RNF216: variants seen among roughly 807,000 people sequenced by gnomAD.
RNF216 encodes the protein ring finger protein 216, also known as E3 ubiquitin-protein ligase RNF216.
Under a neutral mutation model 110.8 loss-of-function variants are expected in RNF216, and 72 were observed. The ratio of observed to expected loss-of-function variants is 0.65; its 90% CI spans 0.54 to 0.79. The LOEUF (loss-of-function observed/expected upper bound fraction) is 0.79, where lower values mean the gene tolerates loss of function less well. Among genes scored for constraint, RNF216 ranks in the 30% least tolerant of loss-of-function variants. RNF216 has a pLI of 0.00. For missense variants in RNF216, 1,342 were observed against 1,141.2 expected (o/e 1.18, Z -2.54); for synonymous variants, 495 against 407.5 (o/e 1.21, Z -2.59).
chr7:5,729,720 T>C, intron 6 of RNF216, 124 bp from the exon 7 acceptor site: 1 of 834,710 alleles, frequency 1.2e-6, no homozygotes, highest in South Asian at 1.8e-5. Context: ...TATAAGGAAG[T>C]TACCAGCCCT....
chr7:5,653,961 G>A (rs1242094947), intron 13 of RNF216, among the ~76,000 whole-genome samples: 1 of 152,232 alleles, frequency 6.6e-6, no homozygotes, highest in Non-Finnish European at 1.5e-5. Context: ...AGGCCTTGAA[G>A]GGCATGATGA....
At chr7:5,698,025 T>C (rs1274957130) in intron 13 of RNF216, among the ~76,000 whole-genome samples, 3 of 152,168 alleles carry the variant, frequency 2.0e-5, no homozygotes, top group African/African-American at 2.4e-5. Context: ...CTTTTGAAAC[T>C]TCAAATGCTT....
At chr7:5,751,093 A>G (rs910947179) in intron 3 of RNF216, among the ~76,000 whole-genome samples, 1 of 152,214 alleles carries the variant, frequency 6.6e-6, no homozygotes, top group Middle Eastern at 3.2e-3. Flanking sequence ...TCCTAACGGC[A>G]GTCTCCTTGG....
chr7:5,766,758 A>G (rs1796230229), intron 1 of RNF216: 1 of 152,262 alleles, frequency 6.6e-6, no homozygotes, highest in Non-Finnish European at 1.5e-5. Context: ...CATATAGCAC[A>G]GAAAATAATG....
intron 1 of RNF216, among the ~76,000 whole-genome samples, chr7:5,771,718 G>A (rs1796503268): frequency 6.6e-6 from 1 of 152,128 alleles, no homozygotes; most frequent in African/African-American, 2.4e-5. Flanking sequence ...GATCTCTTGA[G>A]CTCGAGAGGT....
In RNF216 at chr7:5,647,334, T is replaced by C. The variant is rs1177642665; in HGVS notation, c.2159+5079A>G. ...ACCTTCATTTTCTTTCTTTCTTTTT[T>C]TTTTTTTTTTTTTTTTTGAGATAGG... On this transcript the variant is annotated intron_variant, in intron 14 of 16. Transcript: ENST00000389902. Among the ~76,000 whole-genome samples, 17 of 110,576 alleles carry C rather than the reference T, an allele frequency of 1.5e-4. 1 individual carries two copies. Among genetic ancestry groups the C allele is most frequent in the South Asian group, 1.5e-3 (6 of 4,084 alleles). 72.5% of individuals were successfully genotyped at this position (110,576 alleles called of 152,430 possible). A position where few individuals can be genotyped will look rare whatever the true frequency, so the allele number is the denominator to read the frequency against.
Position 5,723,503 on chromosome 7 carries a change from C to T in RNF216, c.1504+1821G>A, listed in dbSNP as rs146383694. On this transcript the variant is annotated intron_variant, in intron 8 of 16. Transcript: ENST00000389902. ...TCTACTAAAAACACAAAAAATTAGC[C>T]GGACTCGGTGGCGGGCACCTGTAGT... Among the ~76,000 whole-genome samples, 1,387 of 151,892 alleles carry T rather than the reference C, an allele frequency of 9.1e-3. 23 individuals are homozygous for T. The highest frequency in any genetic ancestry group is 0.032 in the African/African-American group (1,326 of 41,418).
chr7:5,676,098 G>A (rs1425311113), intron 13 of RNF216, among the ~76,000 whole-genome samples: 13 of 151,360 alleles, frequency 8.6e-5, no homozygotes, highest in Non-Finnish European at 1.8e-4. Context: ...TGTAACCTTC[G>A]TCTCCCAGGT....
At chr7:5,763,810 C>A (rs1796056546) in intron 1 of RNF216, among the ~76,000 whole-genome samples, 2 of 152,160 alleles carry the variant, frequency 1.3e-5, no homozygotes, top group Non-Finnish European at 2.9e-5. Flanking sequence ...CGGTCTCAAG[C>A]ATTCCTTCTG....
chr7:5,709,051 T>G (rs1792488850), intron 13 of RNF216, among the ~76,000 whole-genome samples: 1 of 152,126 alleles, frequency 6.6e-6, no homozygotes, highest in South Asian at 2.1e-4. Context: ...ACGAGAGTCT[T>G]GGGCAGACTC....
rs1271519061 is a variant in RNF216, at chr7:5,741,545, G to A, written c.472C>T (p.Pro158Ser). ...GCTGCTTGGTTATGACTCGGTCCAG[G>A]CTTGGGTTCTCTTTCTGTTTGGCCA... ...PSGQTEREPK[P>S]GPSHNQAAND... The change falls in exon 4 of 17, where the codon CCT becomes TCT. Residue 158 changes from proline to serine, a missense_variant. Coordinates refer to ENST00000389902, the MANE Select transcript of RNF216 (RefSeq NM_207111.4). 2 of 1,614,168 alleles carry A rather than the reference G, an allele frequency of 1.2e-6. No individual in the cohort carries two copies. Among genetic ancestry groups the A allele is most frequent in the Admixed American group, 1.7e-5 (1 of 60,016 alleles).
At chr7:5,630,841 C>G (rs852451) in intron 15 of RNF216, among the ~76,000 whole-genome samples, 2,286 of 152,280 alleles carry the variant, frequency 0.015, 34 homozygotes, top group South Asian at 0.038. Context: ...GAACTGATTG[C>G]CACGCTGCAG....
chr7:5,717,756 C>T (rs1212645741), intron 9 of RNF216, among the ~76,000 whole-genome samples: 3 of 152,142 alleles, frequency 2.0e-5, no homozygotes, highest in Admixed American at 1.3e-4. Flanking sequence ...AAAATGCAGT[C>T]GCAGAAGAGT....
chr7:5,627,756 AAAG>A (rs2128557232), intron 15 of RNF216, among the ~76,000 whole-genome samples: 1 of 151,962 alleles, frequency 6.6e-6, no homozygotes, highest in Non-Finnish European at 1.5e-5. Context: ...AAAAAAAAAA[AAAG>A]ACTAGCCACT....
rs925464984 is a variant in RNF216, at chr7:5,741,626, A to G, written c.391T>C (p.Tyr131His). Residue 131 changes from tyrosine (Y) to histidine (H), a missense_variant, in exon 4 of 17, where the codon TAC becomes CAC. Tyr to His is a moderately conservative substitution (Grantham distance 83). Transcript: ENST00000389902. ...SGAQDDSEDD[Y>H]GEFLDLGPPG... Reference sequence around the variant, plus strand: ...GGCCCAAGATCCAGAAATTCACCGTAGTCATCCTCAGAATCATCCTGTGCC... The same window carrying G: ...GGCCCAAGATCCAGAAATTCACCGTGGTCATCCTCAGAATCATCCTGTGCC... 1.2e-6 allele frequency: 2 copies of G among 1,614,048 alleles called. No homozygotes were observed. The highest frequency in any genetic ancestry group is 8.5e-7 in the Non-Finnish European group (1 of 1,180,036).
chr7:5,767,692 G>A (rs998837234), intron 1 of RNF216, among the ~76,000 whole-genome samples: 3 of 151,676 alleles, frequency 2.0e-5, no homozygotes, highest in Non-Finnish European at 4.4e-5. Context: ...TCTGCCTCCT[G>A]GGTTCAAGCC....
chr7:5,776,270 G>A (rs1321908330), intron 1 of RNF216, among the ~76,000 whole-genome samples: 1 of 152,016 alleles, frequency 6.6e-6, no homozygotes, highest in Non-Finnish European at 1.5e-5. Flanking sequence ...ATCAATCAGA[G>A]AATAAAGTCA....
rs1326293565 is a variant in RNF216 at position 5,725,426 on chromosome 7, C to T, written c.1402G>A (p.Ala468Thr). The change falls in exon 8 of 17, where the codon GCC (alanine) becomes ACC (threonine). Residue 468 changes from alanine (A) to threonine (T), a missense_variant. Ala to Thr is a moderately conservative substitution (Grantham distance 58). Coordinates refer to ENST00000389902, the MANE Select transcript of RNF216 (RefSeq NM_207111.4). ...YAITRKALSDAIKKWQELSPE... is the reference protein window; with the variant it reads ...YAITRKALSDTIKKWQELSPE... Reference sequence around the variant, plus strand: ...GACAGCTCCTGCCATTTTTTAATGGCATCAGACAAGGCCTAAAAATTGAGA... The same window carrying T: ...GACAGCTCCTGCCATTTTTTAATGGTATCAGACAAGGCCTAAAAATTGAGA... 2 of 1,608,098 alleles carry T rather than the reference C, an allele frequency of 1.2e-6. No individual in the cohort carries two copies. The highest frequency in any genetic ancestry group is 1.7e-6 in the Non-Finnish European group (2 of 1,174,942).
chr7:5,707,884 C>G (rs561744895), intron 13 of RNF216, among the ~76,000 whole-genome samples: 1 of 152,276 alleles, frequency 6.6e-6, no homozygotes, highest in South Asian at 2.1e-4. Flanking sequence ...CGCAACCACA[C>G]CCAGCTAAAT....
Sources: allele counts gnomAD v4.1 joint callset (sites outside exome capture counted in the v4.1 genomes callset), GRCh38; gene constraint gnomAD v4.1.1; transcripts MANE v1.5; gene names NCBI Gene and HGNC (gene_info 2026-07-23, HGNC 2026-07-21).